Variants in SPOCK1 observed in about 807,000 individuals in gnomAD.
SPOCK1 encodes the protein testican-1.
In SPOCK1, 23 loss-of-function variants were observed where a neutral mutation model predicts 55.3. The observed-to-expected ratio is 0.42, with a 90% CI of 0.30 to 0.59. The LOEUF is 0.59. Ranked by LOEUF, SPOCK1 falls within the 20% of genes least tolerant of loss-of-function variation. The pLI is 0.22. For synonymous variants in SPOCK1, 226 were observed against 221.0 expected (o/e 1.02, Z -0.20); for missense variants, 499 against 552.5 (o/e 0.90, Z 0.97).
At chr5:137,371,371 G>T (rs888833329) in intron 2 of SPOCK1, among the ~76,000 whole-genome samples, 1 of 152,216 alleles carries the variant, frequency 6.6e-6, no homozygotes, top group Non-Finnish European at 1.5e-5. Context: ...TTAGCATAGT[G>T]CTAGGCATAT....
intron 3 of SPOCK1, among the ~76,000 whole-genome samples, chr5:137,152,469 G>A (rs908021827): frequency 2.0e-5 from 3 of 152,122 alleles, no homozygotes; most frequent in Non-Finnish European, 4.4e-5. Flanking sequence ...AAGGACCTAT[G>A]GGGTTTCCTA....
intron 7 of SPOCK1, among the ~76,000 whole-genome samples, chr5:136,991,799 G>A (rs1490618608): frequency 1.3e-5 from 2 of 152,172 alleles, no homozygotes; most frequent in Non-Finnish European, 2.9e-5. Context: ...CAAATGTGAG[G>A]ACCCACTCTG....
chr5:137,134,259 T>C (rs1451658527), intron 4 of SPOCK1, among the ~76,000 whole-genome samples: 3 of 152,198 alleles, frequency 2.0e-5, no homozygotes, highest in African/African-American at 7.2e-5. Context: ...TAACACAAGA[T>C]AGGTGGTCAG....
At chr5:137,233,384 C>T (rs1000721851) in intron 3 of SPOCK1, among the ~76,000 whole-genome samples, 1 of 152,180 alleles carries the variant, frequency 6.6e-6, no homozygotes, top group Admixed American at 6.5e-5. Flanking sequence ...AGACCCCTAA[C>T]ATGTGCAGTT....
intron 6 of SPOCK1, among the ~76,000 whole-genome samples, chr5:137,000,909 C>CCTGTA (rs1307390821): frequency 1.3e-5 from 2 of 152,162 alleles, no homozygotes; most frequent in Non-Finnish European, 2.9e-5. Context: ...GTGGCATGTG[C>CCTGTA]CTGTAATCCC....
At chr5:137,174,824 G>C (rs1422478510) in intron 3 of SPOCK1, among the ~76,000 whole-genome samples, 1 of 152,162 alleles carries the variant, frequency 6.6e-6, no homozygotes, top group Non-Finnish European at 1.5e-5. Context: ...TCTAATGAAT[G>C]ACTGAGACAG....
intron 2 of SPOCK1, among the ~76,000 whole-genome samples, chr5:137,350,920 C>T (rs946131762): frequency 1.3e-5 from 2 of 152,074 alleles, no homozygotes; most frequent in African/African-American, 4.8e-5. Flanking sequence ...ACATGAGTTT[C>T]TATTTTATCA....
rs200962396 is a variant in SPOCK1 at position 137,388,099 on chromosome 5, GA to G, written c.186+110273del. 8.7e-4 allele frequency among the ~76,000 whole-genome samples: 132 copies of G among 152,184 alleles called. 2 individuals carry two copies. The East Asian group carries it at 0.02, about 23-fold the overall frequency. On this transcript the variant is annotated intron_variant, in intron 2 of 10. Transcript: ENST00000394945. ...GGTCAATTAAAAGTGCATTTAAAGG[GA>G]AAAATAGGAACAGTTATACCAAAAC...
intron 3 of SPOCK1, among the ~76,000 whole-genome samples, chr5:137,182,720 G>T (rs1236857421): frequency 6.6e-6 from 1 of 152,174 alleles, no homozygotes; most frequent in Non-Finnish European, 1.5e-5. Flanking sequence ...AGCATGGGGT[G>T]TTGGCCTGCT....
intron 2 of SPOCK1, among the ~76,000 whole-genome samples, chr5:137,398,906 C>T (rs951986619): frequency 6.6e-6 from 1 of 152,132 alleles, no homozygotes; most frequent in African/African-American, 2.4e-5. Flanking sequence ...AGGTATACAG[C>T]ATGCACCACG....
At chr5:137,242,454 G>A (rs1561481989) in intron 3 of SPOCK1, among the ~76,000 whole-genome samples, 1 of 152,152 alleles carries the variant, frequency 6.6e-6, no homozygotes, top group South Asian at 2.1e-4. Flanking sequence ...CCATGATGGT[G>A]AGGCTTCACT....
Position 137,142,033 on chromosome 5 carries a change from T to C in SPOCK1, c.233-1339A>G, listed in dbSNP as rs189034032. ...GGAATTCTCTGCAAAACAAAAGCAA[T>C]TGTGCCATCTTCAAGCTCTGGGGCC... On this transcript the variant is annotated intron_variant, in intron 3 of 10. Transcript: ENST00000394945. Among the ~76,000 whole-genome samples, 764 of 152,272 alleles carry C rather than the reference T, an allele frequency of 5.0e-3. 4 individuals carry two copies. The highest frequency in any genetic ancestry group is 0.013 in the African/African-American group (544 of 41,554).
intron 3 of SPOCK1, among the ~76,000 whole-genome samples, chr5:137,175,908 G>A (rs938620732): frequency 2.6e-5 from 4 of 152,132 alleles, no homozygotes; most frequent in Non-Finnish European, 4.4e-5. Context: ...TGGGGAAAAT[G>A]CATAATTTGT....
rs1287271569 is a variant in SPOCK1 at position 137,138,711 on chromosome 5, C to G, written c.347+1869G>C. The stretch of plus-strand genomic sequence containing the variant: ...GAACTTCAAATAATAACCCCCCCCC[C>G]CCAAAAAAAAGTGGTATTTTTTTAC... On this transcript the variant is annotated intron_variant, in intron 4 of 10. Coordinates refer to ENST00000394945, the MANE Select transcript of SPOCK1 (RefSeq NM_004598.4). Among the ~76,000 whole-genome samples the G allele has an allele frequency of 6.8e-5, 10 of 148,086 alleles. No homozygotes were observed. In the East Asian group the frequency reaches 1.2e-3, roughly 18 times the overall value.
chr5:137,109,295 G>T (rs143317128), intron 5 of SPOCK1, among the ~76,000 whole-genome samples: 2 of 152,212 alleles, frequency 1.3e-5, no homozygotes, highest in Non-Finnish European at 2.9e-5. Context: ...AGAGCCCCAG[G>T]TTGGGTGTTC....
chr5:137,141,589 C>T (rs917285058), intron 3 of SPOCK1, among the ~76,000 whole-genome samples: 5 of 152,068 alleles, frequency 3.3e-5, no homozygotes, highest in African/African-American at 9.7e-5. Flanking sequence ...AGGACCATGA[C>T]GGGCATATAA....
intron 6 of SPOCK1, among the ~76,000 whole-genome samples, chr5:137,041,033 T>A (rs963606386): frequency 3.9e-5 from 6 of 152,180 alleles, no homozygotes; most frequent in East Asian, 1.9e-4. Context: ...TACATTTTTT[T>A]AAAAAGAGCA....
At chr5:137,011,686 C>A (rs1751351638) in intron 6 of SPOCK1, among the ~76,000 whole-genome samples, 1 of 152,188 alleles carries the variant, frequency 6.6e-6, no homozygotes, top group South Asian at 2.1e-4. Flanking sequence ...AAAAATATCA[C>A]CCCAGAAGAG....
At chr5:137,494,774 CT>C (rs1754264685) in intron 2 of SPOCK1, among the ~76,000 whole-genome samples, 1 of 152,132 alleles carries the variant, frequency 6.6e-6, no homozygotes, top group Non-Finnish European at 1.5e-5. Context: ...AACCCAATGC[CT>C]AGTCAATGGT....
Sources: gnomAD v4.1 joint callset for allele counts (sites outside exome capture counted in the v4.1 genomes callset) on GRCh38, gnomAD v4.1.1 for gene constraint, MANE v1.5 for transcripts, NCBI Gene and HGNC (gene_info 2026-07-23, HGNC 2026-07-21) for gene names.